ST6GALNAC5: variants seen among roughly 807,000 people sequenced by gnomAD.
ST6GALNAC5 encodes ST6 N-acetylgalactosaminide alpha-2,6-sialyltransferase 5.
Under a neutral mutation model 33.6 loss-of-function variants are expected in ST6GALNAC5, and 27 were observed. That is an observed-to-expected ratio of 0.80 (90% CI 0.59 to 1.11). The LOEUF (loss-of-function observed/expected upper bound fraction) is 1.11, where lower values mean the gene tolerates loss of function less well. Among genes scored for constraint, ST6GALNAC5 ranks in the 50% least tolerant of loss-of-function variants. The probability of loss-of-function intolerance (pLI) is 0.00; values close to 1 mark genes in which losing one functional copy is unlikely to be tolerated. For missense variants in ST6GALNAC5, 428 were observed against 454.0 expected, an observed-to-expected ratio of 0.94 and a Z score of 0.52; for synonymous variants, 194 against 171.2, an observed-to-expected ratio of 1.13 and a Z score of -1.04.
chr1:77,052,923 A>G (rs1179785115), intron 4 of ST6GALNAC5, among the ~76,000 whole-genome samples: 4 of 146,048 alleles, frequency 2.7e-5, no homozygotes, highest in Non-Finnish European at 4.5e-5. Flanking sequence ...GTCTCAAAAA[A>G]AAAAAAAAAA....
intron 2 of ST6GALNAC5, among the ~76,000 whole-genome samples, chr1:76,960,428 C>G (rs1648186730): frequency 6.6e-6 from 1 of 152,112 alleles, no homozygotes; most frequent in South Asian, 2.1e-4. Flanking sequence ...GATCACAGGA[C>G]CACAGGACGG....
intron 2 of ST6GALNAC5, among the ~76,000 whole-genome samples, chr1:76,897,662 G>C (rs1646762195): frequency 6.6e-6 from 1 of 152,152 alleles, no homozygotes; most frequent in Non-Finnish European, 1.5e-5. Context: ...GCTTTGGATT[G>C]GGAAGAAGGG....
intron 2 of ST6GALNAC5, among the ~76,000 whole-genome samples, chr1:76,897,440 C>A (rs1646755337): frequency 6.6e-6 from 1 of 152,132 alleles, no homozygotes; most frequent in African/African-American, 2.4e-5. Context: ...AGTTTATAGG[C>A]TTTAAAAGGC....
At chr1:76,901,088 G>A (rs914332790) in intron 2 of ST6GALNAC5, among the ~76,000 whole-genome samples, 2 of 152,210 alleles carry the variant, frequency 1.3e-5, no homozygotes, top group African/African-American at 4.8e-5. Context: ...AGATGGAATA[G>A]TTGCAATAAG....
At chr1:76,983,874 A>G (rs1444455727) in intron 2 of ST6GALNAC5, among the ~76,000 whole-genome samples, 1 of 152,214 alleles carries the variant, frequency 6.6e-6, no homozygotes, top group African/African-American at 2.4e-5. Context: ...AAACCACACA[A>G]CTACATGGAA....
intron 2 of ST6GALNAC5, among the ~76,000 whole-genome samples, chr1:76,934,104 C>T (rs1489714425): frequency 6.6e-6 from 1 of 151,932 alleles, no homozygotes; most frequent in African/African-American, 2.4e-5. Context: ...CTGAGGTTAC[C>T]TTTGAAACAT....
At chr1:76,882,281 G>A (rs1219875684) in intron 2 of ST6GALNAC5, among the ~76,000 whole-genome samples, 1 of 152,088 alleles carries the variant, frequency 6.6e-6, no homozygotes, top group African/African-American at 2.4e-5. Flanking sequence ...AAGCCAAAAG[G>A]AGTGTCATGC....
chr1:76,991,895 CTTT>C (rs1171256415), intron 2 of ST6GALNAC5, among the ~76,000 whole-genome samples: 1 of 151,954 alleles, frequency 6.6e-6, no homozygotes, highest in African/African-American at 2.4e-5. Flanking sequence ...AATTCTCAAA[CTTT>C]TAAAATATTT....
At position 77,065,650 on chromosome 1, in the gene ST6GALNAC5, C is replaced by T. The variant is rs1652748992; in HGVS notation, c.*2444C>T. On this transcript the variant is annotated 3_prime_UTR_variant, in exon 5 of 5. Coordinates refer to ENST00000477717, the MANE Select transcript of ST6GALNAC5 (RefSeq NM_030965.3). ...CAATTGAATTCTTGTCTTCCCACTA[C>T]CATTTCATGACTGTCGTCTGAACAC... 1 of 152,168 alleles carries T rather than the reference C, an allele frequency of 6.6e-6. No homozygotes were observed. Among genetic ancestry groups the T allele is most frequent in the Admixed American group, 6.5e-5 (1 of 15,276 alleles). The allele number at this position is 152,168 out of a possible 1,614,324, so 9.4% of individuals were successfully genotyped here.
chr1:76,930,471 A>G (rs114530362), intron 2 of ST6GALNAC5, among the ~76,000 whole-genome samples: 2,015 of 152,224 alleles, frequency 0.013, 23 homozygotes, highest in Middle Eastern at 0.034. Context: ...GACATGGTGA[A>G]CATTTTTGAT....
rs906771850 is a variant in ST6GALNAC5, at chr1:76,878,799, C to CA, written c.261+10058dup. Among the ~76,000 whole-genome samples the CA allele has an allele frequency of 4.0e-4, 61 of 152,232 alleles. 1 individual carries two copies. The highest frequency in any genetic ancestry group is 1.4e-3 in the African/African-American group (60 of 41,518). Reference sequence around the variant, plus strand: ...TGCTTGTATAAATTAAGTAGAAATGCAGTAGGCTTCTTATCAATTTCACTT... The same window carrying CA: ...TGCTTGTATAAATTAAGTAGAAATGCAAGTAGGCTTCTTATCAATTTCACTT... On this transcript the variant is annotated intron_variant, in intron 2 of 4. Transcript: ENST00000477717.
At chr1:76,987,831 A>T (rs1279452078) in intron 2 of ST6GALNAC5, among the ~76,000 whole-genome samples, 2 of 152,140 alleles carry the variant, frequency 1.3e-5, no homozygotes, top group East Asian at 3.9e-4. Flanking sequence ...ACTTTAGATA[A>T]TCTGATGACT....
intron 2 of ST6GALNAC5, among the ~76,000 whole-genome samples, chr1:76,953,007 G>T (rs1280257019): frequency 1.3e-5 from 2 of 152,002 alleles, no homozygotes; most frequent in Non-Finnish European, 2.9e-5. Context: ...CGTCTACATA[G>T]TTGCATGTAT....
At chr1:77,001,740 G>C (rs1164690561) in intron 2 of ST6GALNAC5, among the ~76,000 whole-genome samples, 1 of 150,002 alleles carries the variant, frequency 6.7e-6, no homozygotes, top group Non-Finnish European at 1.5e-5. Flanking sequence ...TGCATCTATT[G>C]AGATAATCAT....
intron 2 of ST6GALNAC5, among the ~76,000 whole-genome samples, chr1:76,884,499 G>A (rs1470011665): frequency 1.3e-5 from 2 of 152,146 alleles, no homozygotes; most frequent in African/African-American, 4.8e-5. Flanking sequence ...TGCTGGCAGA[G>A]ACTTTAGTAT....
chr1:77,019,762 G>T (rs1650983821), intron 2 of ST6GALNAC5, among the ~76,000 whole-genome samples: 1 of 152,164 alleles, frequency 6.6e-6, no homozygotes, highest in South Asian at 2.1e-4. Context: ...CTCACCTTGG[G>T]TGTGCCTGCC....
intron 2 of ST6GALNAC5, among the ~76,000 whole-genome samples, chr1:76,891,543 A>G (rs80205213): frequency 0.039 from 5,896 of 152,152 alleles, 185 homozygotes; most frequent in Non-Finnish European, 0.06. Flanking sequence ...CTGTCTTTTC[A>G]CTTTATTGAT....
chr1:76,894,476 AG>A (rs918107779), intron 2 of ST6GALNAC5, among the ~76,000 whole-genome samples: 10 of 139,858 alleles, frequency 7.2e-5, no homozygotes, highest in East Asian at 2.0e-4. Context: ...AGGAAGAGGC[AG>A]GGGGGGGATC....
chr1:76,937,677 A>G (rs927060415), intron 2 of ST6GALNAC5, among the ~76,000 whole-genome samples: 2 of 152,074 alleles, frequency 1.3e-5, no homozygotes, highest in African/African-American at 4.8e-5. Flanking sequence ...ACCGTGAGAA[A>G]AACCACTGTG....
Sources: allele counts gnomAD v4.1 joint callset (sites outside exome capture counted in the v4.1 genomes callset), GRCh38; gene constraint gnomAD v4.1.1; transcripts MANE v1.5; gene names NCBI Gene and HGNC (gene_info 2026-07-23, HGNC 2026-07-21).